CCDC146: variants seen among roughly 807,000 people sequenced by gnomAD.
CCDC146 encodes coiled-coil domain containing 146.
A neutral mutation model predicts 119.3 loss-of-function variants in CCDC146; 92 were observed. That is an observed-to-expected ratio of 0.77 (90% CI 0.65 to 0.92). The LOEUF is 0.92. Ranked by LOEUF, CCDC146 falls within the 40% of genes least tolerant of loss-of-function variation. CCDC146 has a pLI of 0.00. For missense variants in CCDC146, 1,000 were observed against 1,103.0 expected, an observed-to-expected ratio of 0.91 and a Z score of 1.32; for synonymous variants, 372 against 371.8, an observed-to-expected ratio of 1.00 and a Z score of -0.01.
chr7:77,185,939 G>A (rs1161912459), intron 2 of CCDC146, among the ~76,000 whole-genome samples: 2 of 152,148 alleles, frequency 1.3e-5, no homozygotes, highest in Non-Finnish European at 2.9e-5. Context: ...AAACTCCAAC[G>A]AGATATCATC....
At chr7:77,195,190 T>C (rs1791844446) in intron 2 of CCDC146, 1 of 126,936 alleles carries the variant, frequency 7.9e-6, no homozygotes, top group Non-Finnish European at 1.6e-5. Context: ...AACCTACCAG[T>C]AGTCTAGTAC....
At chr7:77,199,479 G>C (rs1428786107) in intron 2 of CCDC146, 2 of 1,614,014 alleles carry the variant, frequency 1.2e-6, no homozygotes, top group Non-Finnish European at 1.7e-6. Context: ...GGTCTCCGTT[G>C]TCATCAGCCT....
rs1404493086 is a variant in CCDC146, at chr7:77,274,572, C to A, written c.1360C>A (p.Leu454Ile). ...LLKEQENMKE[L>I]VVNLLRMTQI... ...AAAGGAGCAAGAAAACATGAAAGAG[C>A]TAGTAGTCAACCTTCTCCGCATGAC... The change falls in exon 11 of 19, where the codon CTA (leucine) becomes ATA (isoleucine). Residue 454 changes from leucine to isoleucine, a missense_variant. By Grantham distance (5) the Leu-to-Ile change is conservative (BLOSUM62 2). This residue lies in a region of CCDC146 where 985 missense variants were observed against 1,045.3 expected (regional missense o/e 0.94). Coordinates refer to ENST00000285871, the MANE Select transcript of CCDC146 (RefSeq NM_020879.3). The A allele has an allele frequency of 6.2e-7, 1 of 1,612,798 alleles. No individual in the cohort carries two copies. The highest frequency in any genetic ancestry group is 8.5e-7 in the Non-Finnish European group (1 of 1,179,106).
chr7:77,272,763 A>G (rs1793550442), intron 9 of CCDC146, among the ~76,000 whole-genome samples: 1 of 152,212 alleles, frequency 6.6e-6, no homozygotes, highest in South Asian at 2.1e-4. Context: ...CATTCCTAAT[A>G]GGGCAACAAA....
intron 1 of CCDC146, among the ~76,000 whole-genome samples, chr7:77,139,552 G>T (rs1042766178): frequency 9.8e-5 from 15 of 152,330 alleles, no homozygotes; most frequent in African/African-American, 3.6e-4. Context: ...AGTTTCATCA[G>T]TTGTAACAAA....
chr7:77,242,282 C>G (rs988503684), intron 4 of CCDC146: 2 of 609,626 alleles, frequency 3.3e-6, no homozygotes, highest in Non-Finnish European at 4.2e-6. Context: ...GAGCACTTCT[C>G]CCCACATGCA....
chr7:77,209,665 C>G (rs972345697), intron 2 of CCDC146, among the ~76,000 whole-genome samples: 2 of 152,216 alleles, frequency 1.3e-5, no homozygotes, highest in Non-Finnish European at 2.9e-5. Flanking sequence ...CATGAGGGCT[C>G]CACCCTGGCA....
intron 1 of CCDC146, among the ~76,000 whole-genome samples, chr7:77,150,982 A>G (rs920346049): frequency 7.9e-5 from 12 of 152,334 alleles, no homozygotes; most frequent in South Asian, 2.1e-4. Flanking sequence ...TTGATTTTCT[A>G]TGAAAAAGTA....
At chr7:77,267,118 G>C (rs1258774408) in intron 9 of CCDC146, among the ~76,000 whole-genome samples, 1 of 151,704 alleles carries the variant, frequency 6.6e-6, no homozygotes, top group African/African-American at 2.4e-5. Flanking sequence ...TCAGCCTCCT[G>C]AGTAGCTGGG....
chr7:77,265,857 C>T (rs937760751), intron 9 of CCDC146, among the ~76,000 whole-genome samples: 1 of 152,152 alleles, frequency 6.6e-6, no homozygotes, highest in Non-Finnish European at 1.5e-5. Flanking sequence ...TTTGCCAAGT[C>T]GAGACTTGGG....
intron 17 of CCDC146, among the ~76,000 whole-genome samples, chr7:77,292,606 G>A: frequency 7.8e-6 from 1 of 127,514 alleles, no homozygotes; most frequent in Non-Finnish European, 1.6e-5. Flanking sequence ...GACAGAGCGA[G>A]ACTCAGTCTC....
chr7:77,237,926 A>G (rs565877854), intron 3 of CCDC146, among the ~76,000 whole-genome samples: 1 of 152,264 alleles, frequency 6.6e-6, no homozygotes, highest in Non-Finnish European at 1.5e-5. Flanking sequence ...TCAAAAGCCA[A>G]GGAGCAACAG....
intron 2 of CCDC146, among the ~76,000 whole-genome samples, chr7:77,190,842 A>C (rs987787222): frequency 2.0e-5 from 3 of 152,194 alleles, no homozygotes; most frequent in African/African-American, 7.2e-5. Context: ...TGATTTGTGA[A>C]GGAGTCTTTA....
At chr7:77,226,163 G>A (rs1792509549) in intron 2 of CCDC146, among the ~76,000 whole-genome samples, 1 of 152,212 alleles carries the variant, frequency 6.6e-6, no homozygotes, top group African/African-American at 2.4e-5. Context: ...AGAGCTCAAT[G>A]CATTTGGAAA....
At chr7:77,146,563 A>G (rs1489170145) in intron 1 of CCDC146, among the ~76,000 whole-genome samples, 1 of 152,002 alleles carries the variant, frequency 6.6e-6, no homozygotes, top group Non-Finnish European at 1.5e-5. Context: ...GTTCCTTTCC[A>G]TGTTTAGTGC....
At chr7:77,242,469 T>C (rs1409961097) in intron 4 of CCDC146, 1 of 787,238 alleles carries the variant, frequency 1.3e-6, no homozygotes, top group Non-Finnish European at 1.5e-6. Flanking sequence ...TATCCAAATT[T>C]AGAGGACGTC....
chr7:77,123,104 C>T (rs975594045), intron 1 of CCDC146, among the ~76,000 whole-genome samples: 5 of 148,914 alleles, frequency 3.4e-5, no homozygotes, highest in Non-Finnish European at 7.4e-5. Context: ...TACCAAATTA[C>T]CGTGTAAAGT....
intron 1 of CCDC146, among the ~76,000 whole-genome samples, chr7:77,128,689 CAT>C (rs1218124867): frequency 6.6e-6 from 1 of 151,946 alleles, no homozygotes; most frequent in East Asian, 1.9e-4. Context: ...CAGCTCCAAA[CAT>C]AGATTTGCAC....
chr7:77,132,145 T>C (rs1790793595), intron 1 of CCDC146, among the ~76,000 whole-genome samples: 1 of 151,802 alleles, frequency 6.6e-6, no homozygotes, highest in Non-Finnish European at 1.5e-5. Flanking sequence ...TACCAGACAT[T>C]TTCAGAGAAA....
Sources: allele counts gnomAD v4.1 joint callset (sites outside exome capture counted in the v4.1 genomes callset), GRCh38; gene constraint gnomAD v4.1.1; regional missense constraint gnomAD v4.1.1; transcripts MANE v1.5; gene names NCBI Gene and HGNC (gene_info 2026-07-23, HGNC 2026-07-21).